Variants in CDKL1 observed in about 807,000 individuals in gnomAD.
The protein encoded by CDKL1 is cyclin dependent kinase like 1.
CDKL1 carries 41 observed loss-of-function variants against 42.0 expected under a neutral mutation model. The observed-to-expected ratio is 0.98, with a 90% CI of 0.76 to 1.27. The LOEUF (loss-of-function observed/expected upper bound fraction) is 1.27. Among genes scored for constraint, CDKL1 ranks in the 50% most tolerant of loss-of-function variants. The pLI is 0.00. For missense variants in CDKL1, 394 were observed against 428.4 expected (o/e 0.92, Z 0.71); for synonymous variants, 153 against 158.6 (o/e 0.96, Z 0.26).
intron 2 of CDKL1, among the ~76,000 whole-genome samples, chr14:50,374,643 C>G (rs879920797): frequency 5.9e-5 from 9 of 152,178 alleles, no homozygotes; most frequent in Non-Finnish European, 8.8e-5. Context: ...TTGAAGACAT[C>G]AGTATGAACT....
chr14:50,336,022 G>T (rs777858085), intron 7 of CDKL1: 64 of 1,366,360 alleles, frequency 4.7e-5, no homozygotes, highest in Non-Finnish European at 6.3e-5. Context: ...TATTTCTCTT[G>T]TTCTTTCTGT....
intron 6 of CDKL1, among the ~76,000 whole-genome samples, chr14:50,340,407 A>G: frequency 6.6e-6 from 1 of 152,330 alleles, no homozygotes; most frequent in East Asian, 1.9e-4. Context: ...TCAGGCGAGT[A>G]GTGTCTAAAC....
chr14:50,346,789 C>T (rs2033742545), intron 3 of CDKL1, among the ~76,000 whole-genome samples: 2 of 151,846 alleles, frequency 1.3e-5, no homozygotes, highest in East Asian at 1.9e-4. Context: ...GCTGGGATTA[C>T]AGGTGTGTGC....
At chr14:50,363,917 T>TC (rs1244336616) in intron 2 of CDKL1, 1 of 152,268 alleles carries the variant, frequency 6.6e-6, no homozygotes, top group Non-Finnish European at 1.5e-5. Flanking sequence ...AGGCTCACAC[T>TC]CCCTTTCATT....
rs564926561 is a variant in CDKL1 at position 50,396,315 on chromosome 14, G to T, written c.-447C>A. 5.6e-4 allele frequency: 560 copies of T among 1,008,420 alleles called. No individual in the cohort carries two copies. Among genetic ancestry groups the T allele is most frequent in the Admixed American group, 9.4e-4 (17 of 18,106 alleles). 62.5% of individuals were successfully genotyped at this position (1,008,420 alleles called of 1,614,324 possible). A position where few individuals can be genotyped will look rare whatever the true frequency, so the allele number is the denominator to read the frequency against. On this transcript the variant is annotated 5_prime_UTR_variant, in exon 2 of 10. Coordinates refer to ENST00000395834, the MANE Select transcript of CDKL1 (RefSeq NM_004196.7). ...GCACTAGAGCCCCACCCAACGATGA[G>T]TGTTTGTCACGGTCCTAGAACAGAA...
At chr14:50,335,576 A>G in intron 7 of CDKL1, 1 of 1,535,688 alleles carries the variant, frequency 6.5e-7, no homozygotes, top group Non-Finnish European at 8.7e-7. Context: ...AATGGGAGGA[A>G]TGCCGAATGT....
chr14:50,377,683 C>T (rs536544733), intron 2 of CDKL1: 3 of 1,329,662 alleles, frequency 2.3e-6, no homozygotes, highest in East Asian at 4.9e-5. Flanking sequence ...AGTCACTAAG[C>T]CTTTTGTCAG....
chr14:50,344,024 C>T lies in CDKL1; in HGVS notation c.363+962G>A, dbSNP rs1343568107. On this transcript the variant is annotated intron_variant, in intron 4 of 9. Coordinates refer to ENST00000395834, the MANE Select transcript of CDKL1 (RefSeq NM_004196.7). ...ACCCTGGCAGTTGAGTAAGATAAAA[C>T]ATTGCAGTGAAATTGCACTCATGGC... 2.0e-5 allele frequency among the ~76,000 whole-genome samples: 3 copies of T among 152,212 alleles called. No homozygotes were observed. In the East Asian group the frequency reaches 5.8e-4, roughly 29 times the overall value.
chr14:50,379,413 T>C (rs994618303), intron 2 of CDKL1, among the ~76,000 whole-genome samples: 3 of 152,148 alleles, frequency 2.0e-5, no homozygotes, highest in Non-Finnish European at 4.4e-5. Context: ...CAAGAGCTCA[T>C]CACTGCTGTC....
At chr14:50,339,102 G>T in intron 6 of CDKL1, 73 bp from the exon 7 acceptor site, 1 of 1,056,734 alleles carries the variant, frequency 9.5e-7, no homozygotes, top group Non-Finnish European at 1.5e-6. Flanking sequence ...TTCCATCAAT[G>T]CTGTGTTTGT....
upstream of CDKL1, chr14:50,396,930 C>G (rs978073670): frequency 6.1e-5 from 21 of 344,000 alleles, no homozygotes; most frequent in Middle Eastern, 1.2e-3. Context: ...GGCTCCCGCC[C>G]CGGGTCTGCC....
intron 2 of CDKL1, among the ~76,000 whole-genome samples, chr14:50,382,933 T>G (rs1305690854): frequency 3.6e-4 from 2 of 5,542 alleles, no homozygotes; most frequent in East Asian, 2.6e-3. Flanking sequence ...GTTTTTTGTT[T>G]TTTTTTTTTT....
intron 3 of CDKL1, among the ~76,000 whole-genome samples, chr14:50,350,471 G>A (rs770965942): frequency 3.9e-5 from 6 of 152,204 alleles, no homozygotes; most frequent in Non-Finnish European, 4.4e-5. Context: ...ATCTATGAGA[G>A]AAGAAGGGGC....
rs113958144 is a variant in CDKL1 at position 50,391,983 on chromosome 14, C to T, written c.168+3718G>A. Among the ~76,000 whole-genome samples the T allele has an allele frequency of 3.3e-5, 5 of 152,350 alleles. 1 individual carries two copies. The highest frequency in any genetic ancestry group is 1.2e-4 in the African/African-American group (5 of 41,586). The stretch of plus-strand genomic sequence containing the variant: ...TATCTCCACTTTGTTCCTCTCGTCT[C>T]TCTTAATCCCTTGCTGATGAAGGTT... On this transcript the variant is annotated intron_variant, in intron 2 of 9. Transcript: ENST00000395834.
intron 3 of CDKL1, chr14:50,357,108 C>G (rs1048407838): frequency 5.3e-5 from 8 of 152,166 alleles, no homozygotes; most frequent in African/African-American, 1.7e-4. Flanking sequence ...CACTTGCAAG[C>G]TGTCAAAAGA....
At chr14:50,386,697 G>A (rs921443188) in intron 2 of CDKL1, among the ~76,000 whole-genome samples, 21 of 152,118 alleles carry the variant, frequency 1.4e-4, no homozygotes, top group African/African-American at 5.1e-4. Flanking sequence ...GACCGAGGCA[G>A]GAGGATTGCT....
chr14:50,378,845 C>G (rs1390598922), intron 2 of CDKL1, among the ~76,000 whole-genome samples: 1 of 149,458 alleles, frequency 6.7e-6, no homozygotes, highest in Non-Finnish European at 1.5e-5. Context: ...CTGTGCCTGT[C>G]AAGACAATCT....
At position 50,328,445 on chromosome 14, in the gene CDKL1, A is replaced by G. The variant is rs1274393938; in HGVS notation, c.*1629T>C. Reference sequence around the variant, plus strand: ...AGACCTCAGTGGATTACTTAAGTAAATGGGGTCAGATGTCATCATGAAGAA... The same window carrying G: ...AGACCTCAGTGGATTACTTAAGTAAGTGGGGTCAGATGTCATCATGAAGAA... On this transcript the variant is annotated 3_prime_UTR_variant, in exon 10 of 10. Transcript: ENST00000395834. 1 of 152,180 alleles carries G rather than the reference A, an allele frequency of 6.6e-6. No individual in the cohort carries two copies. Among genetic ancestry groups the G allele is most frequent in the African/African-American group, 2.4e-5 (1 of 41,444 alleles). 9.4% of individuals were successfully genotyped at this position (152,180 alleles called of 1,614,324 possible).
At chr14:50,343,177 G>GTTTTTTTT (rs1566580369) in intron 4 of CDKL1, 9 of 400,726 alleles carry the variant, frequency 2.2e-5, no homozygotes, top group African/African-American at 2.0e-4. Context: ...TTTTTTTTGA[G>GTTTTTTTT]TTGGGTCAAA....
Sources: allele counts gnomAD v4.1 joint callset (sites outside exome capture counted in the v4.1 genomes callset), GRCh38; gene constraint gnomAD v4.1.1; transcripts MANE v1.5; gene names NCBI Gene and HGNC (gene_info 2026-07-23, HGNC 2026-07-21).